NME7: variants seen among roughly 807,000 people sequenced by gnomAD.
The protein encoded by NME7 is nucleoside diphosphate kinase 7.
NME7 carries 41 observed loss-of-function variants against 49.1 expected under a neutral mutation model. That is an observed-to-expected ratio of 0.83 (90% CI 0.65 to 1.08). The LOEUF (loss-of-function observed/expected upper bound fraction) is 1.08. Among genes scored for constraint, NME7 ranks in the 50% least tolerant of loss-of-function variants. The pLI is 0.00. For synonymous variants in NME7, 139 were observed against 150.6 expected, an observed-to-expected ratio of 0.92 and a Z score of 0.56; for missense variants, 423 against 463.4, an observed-to-expected ratio of 0.91 and a Z score of 0.80.
At chr1:169,361,387 T>A (rs755636057) in intron 1 of NME7, among the ~76,000 whole-genome samples, 1 of 152,232 alleles carries the variant, frequency 6.6e-6, no homozygotes, top group South Asian at 2.1e-4. Flanking sequence ...GCCCTGTGCT[T>A]TCTGATTCAC....
At chr1:169,225,404 G>A (rs1038412299) in intron 10 of NME7, among the ~76,000 whole-genome samples, 4 of 152,116 alleles carry the variant, frequency 2.6e-5, no homozygotes, top group Non-Finnish European at 4.4e-5. Flanking sequence ...CACCCTGCTC[G>A]GTCCAGTTTG....
chr1:169,314,958 T>C (rs763810699), intron 3 of NME7, among the ~76,000 whole-genome samples: 1 of 152,156 alleles, frequency 6.6e-6, no homozygotes, highest in South Asian at 2.1e-4. Context: ...GAGATGAAGA[T>C]GGTCTCTTCA....
intron 7 of NME7, among the ~76,000 whole-genome samples, chr1:169,278,136 A>G (rs545050715): frequency 0.1 from 15,549 of 150,500 alleles, 855 homozygotes; most frequent in Admixed American, 0.12. Context: ...CCTTCATTTC[A>G]ACTTTGGTGA....
At chr1:169,367,261 G>T (rs568009158) in intron 1 of NME7, among the ~76,000 whole-genome samples, 1 of 152,144 alleles carries the variant, frequency 6.6e-6, no homozygotes, top group Non-Finnish European at 1.5e-5. Context: ...TGGCCCTCGT[G>T]GGGGCGTGGG....
At chr1:169,210,569 C>T (rs78598019) in intron 10 of NME7, among the ~76,000 whole-genome samples, 12,603 of 149,366 alleles carry the variant, frequency 0.084, 713 homozygotes, top group Admixed American at 0.19. Context: ...TGCTCTAGAA[C>T]AAATCATTCA....
At chr1:169,301,223 A>C (rs1318824636) in intron 5 of NME7, among the ~76,000 whole-genome samples, 2 of 152,136 alleles carry the variant, frequency 1.3e-5, no homozygotes, top group Non-Finnish European at 2.9e-5. Context: ...ACCTTAAATA[A>C]TCAAACAAGC....
chr1:169,208,555 A>G (rs1660736745), intron 10 of NME7, among the ~76,000 whole-genome samples: 1 of 152,120 alleles, frequency 6.6e-6, no homozygotes, highest in Non-Finnish European at 1.5e-5. Context: ...ATCTACATAC[A>G]TACTTATGTT....
chr1:169,249,681 T>G (rs1283955399), intron 7 of NME7, among the ~76,000 whole-genome samples: 2 of 152,032 alleles, frequency 1.3e-5, no homozygotes, highest in Non-Finnish European at 2.9e-5. Flanking sequence ...TTGAGTTTTT[T>G]TATACGGGGA....
intron 10 of NME7, among the ~76,000 whole-genome samples, chr1:169,206,543 G>C (rs1475119993): frequency 6.6e-6 from 1 of 151,844 alleles, no homozygotes; most frequent in African/African-American, 2.4e-5. Context: ...TTAGGACTAG[G>C]GTTCATAATT....
At chr1:169,176,678 G>C (rs1035857812) in intron 10 of NME7, among the ~76,000 whole-genome samples, 2 of 152,028 alleles carry the variant, frequency 1.3e-5, no homozygotes, top group African/African-American at 4.8e-5. Context: ...AAGTGAAAAT[G>C]AAGTCTTATT....
chr1:169,358,748 T>C (rs148698864), intron 1 of NME7, among the ~76,000 whole-genome samples: 66 of 152,196 alleles, frequency 4.3e-4, no homozygotes, highest in African/African-American at 1.5e-3. Context: ...GTTAGACATA[T>C]GTATGTAATG....
chr1:169,155,367 C>T (rs1384934446), intron 11 of NME7, among the ~76,000 whole-genome samples: 1 of 152,176 alleles, frequency 6.6e-6, no homozygotes, highest in Non-Finnish European at 1.5e-5. Context: ...AGGAGTAGTC[C>T]ACCCTGGGGA....
At chr1:169,156,758 T>A (rs1659087720) in intron 11 of NME7, among the ~76,000 whole-genome samples, 1 of 152,216 alleles carries the variant, frequency 6.6e-6, no homozygotes. Flanking sequence ...TGCCCCACTA[T>A]GACGGGATAT....
chr1:169,260,454 A>G lies in NME7; in HGVS notation c.755-22767T>C, dbSNP rs191396233. On this transcript the variant is annotated intron_variant, in intron 7 of 11. Transcript: ENST00000367811. ...CCATGTAACTTGAATCATTTTTTCAAGTCTTATAAAATGAGATCATGCTAC... is the reference window on the plus strand; with the variant it reads ...CCATGTAACTTGAATCATTTTTTCAGGTCTTATAAAATGAGATCATGCTAC... Among the ~76,000 whole-genome samples, 117 of 132,952 alleles carry G rather than the reference A, an allele frequency of 8.8e-4. 31 individuals carry two copies. Among genetic ancestry groups the G allele is most frequent in the Non-Finnish European group, 1.5e-3 (82 of 56,536 alleles). 87.2% of individuals were successfully genotyped at this position (132,952 alleles called of 152,430 possible).
chr1:169,306,034 G>A (rs16862081), intron 4 of NME7, among the ~76,000 whole-genome samples: 10,686 of 152,184 alleles, frequency 0.07, 1,487 homozygotes, highest in East Asian at 0.66. Flanking sequence ...GGTTCTGAAC[G>A]ATGAATAGGA....
At chr1:169,333,459 TAA>T (rs1652337468) in intron 1 of NME7, among the ~76,000 whole-genome samples, 1 of 151,928 alleles carries the variant, frequency 6.6e-6, no homozygotes, top group African/African-American at 2.4e-5. Context: ...TAAAATAACT[TAA>T]AGAGTGTAAC....
At chr1:169,293,872 T>C (rs1055835060) in intron 6 of NME7, among the ~76,000 whole-genome samples, 1 of 152,162 alleles carries the variant, frequency 6.6e-6, no homozygotes, top group Non-Finnish European at 1.5e-5. Context: ...TAAATATTTA[T>C]AATTTTCTCC....
intron 7 of NME7, among the ~76,000 whole-genome samples, chr1:169,252,853 T>C (rs1222484963): frequency 1.3e-5 from 2 of 149,074 alleles, no homozygotes; most frequent in Non-Finnish European, 3.0e-5. Context: ...CTCAGGTTTG[T>C]CAAAGATCAG....
At chr1:169,132,872 C>G in intron 11 of NME7, 55 bp from the exon 12 acceptor site, 1 of 1,485,838 alleles carries the variant, frequency 6.7e-7, no homozygotes, top group East Asian at 2.3e-5. Flanking sequence ...GTCTTTTCCA[C>G]TTAACAGAGT....
Sources: gnomAD v4.1 joint callset for allele counts (sites outside exome capture counted in the v4.1 genomes callset) on GRCh38, gnomAD v4.1.1 for gene constraint, MANE v1.5 for transcripts, NCBI Gene and HGNC (gene_info 2026-07-23, HGNC 2026-07-21) for gene names.